PDE6C: variants seen among roughly 807,000 people sequenced by gnomAD.
The protein encoded by PDE6C is cone cGMP-specific 3',5'-cyclic phosphodiesterase subunit alpha'.
A neutral mutation model predicts 113.1 loss-of-function variants in PDE6C; 75 were observed. The ratio of observed to expected loss-of-function variants is 0.66; its 90% CI spans 0.55 to 0.80. The LOEUF (loss-of-function observed/expected upper bound fraction) is 0.80. Ranked by LOEUF, PDE6C falls within the 30% of genes least tolerant of loss-of-function variation. The pLI is 0.00. For synonymous variants in PDE6C, 375 were observed against 363.7 expected (o/e 1.03, Z -0.35); for missense variants, 912 against 1,038.6 (o/e 0.88, Z 1.67).
intron 11 of PDE6C, among the ~76,000 whole-genome samples, chr10:93,638,749 T>A (rs955289079): frequency 6.6e-6 from 1 of 152,184 alleles, no homozygotes; most frequent in African/African-American, 2.4e-5. Context: ...TATTTGTCCA[T>A]CTTCACGTAC....
intron 4 of PDE6C, among the ~76,000 whole-genome samples, chr10:93,622,881 G>A (rs779236758): frequency 3.3e-5 from 5 of 151,902 alleles, no homozygotes; most frequent in Non-Finnish European, 7.4e-5. Flanking sequence ...CCTGTTGAAG[G>A]GTATCTTGGT....
chr10:93,641,089 T>C, intron 14 of PDE6C, 60 bp downstream of exon 14: 2 of 1,010,820 alleles, frequency 2.0e-6, no homozygotes, highest in Non-Finnish European at 3.2e-6. Context: ...GTACTTAGGG[T>C]GAGAAAAACG....
At chr10:93,665,294 A>ATGT in intron 21 of PDE6C, 66 bp from the exon 22 acceptor site, 1 of 1,138,548 alleles carries the variant, frequency 8.8e-7, no homozygotes, top group Non-Finnish European at 1.3e-6. Flanking sequence ...TATCATGGGA[A>ATGT]TGTTAGAATA....
chr10:93,628,761 C>A (rs1023303437), intron 7 of PDE6C, among the ~76,000 whole-genome samples: 1 of 152,130 alleles, frequency 6.6e-6, no homozygotes, highest in African/African-American at 2.4e-5. Context: ...TCTGTGAATT[C>A]CACTAAGTAA....
chr10:93,656,115 T>G (rs1455317588), intron 16 of PDE6C, among the ~76,000 whole-genome samples: 2 of 152,182 alleles, frequency 1.3e-5, no homozygotes, highest in Non-Finnish European at 2.9e-5. Context: ...TAATATTAAG[T>G]AGGTTGCTCT....
At chr10:93,626,568 A>G (rs748068762) in intron 5 of PDE6C, 72 bp from the exon 6 acceptor site, 5 of 853,746 alleles carry the variant, frequency 5.9e-6, no homozygotes, top group Non-Finnish European at 9.8e-6. Context: ...GTTTTAAAGT[A>G]CAAGTTCCCC....
chr10:93,615,555 T>C (rs960348247), intron 1 of PDE6C, among the ~76,000 whole-genome samples: 10 of 152,128 alleles, frequency 6.6e-5, no homozygotes, highest in Non-Finnish European at 1.5e-5. Context: ...CTAATTTTTG[T>C]ATTTTTAGTA....
chr10:93,616,922 G>C (rs750568149), intron 1 of PDE6C, among the ~76,000 whole-genome samples: 1 of 152,190 alleles, frequency 6.6e-6, no homozygotes, highest in Non-Finnish European at 1.5e-5. Flanking sequence ...AAAGTGCTGA[G>C]AGGAAGACTT....
In PDE6C at chr10:93,612,714, G is replaced by C. The variant is rs550726667; in HGVS notation, c.-12G>C. 58 of 1,613,420 alleles carry C rather than the reference G, an allele frequency of 3.6e-5. 1 individual carries two copies. The South Asian group carries it at 6.2e-4, about 17-fold the overall frequency. On this transcript the variant is annotated 5_prime_UTR_variant, in exon 1 of 22. Transcript: ENST00000371447. ...GTCCTTTCTGAACAAACGCAGCAAA[G>C]CAAGCCACACCATGGGTGAGATCAA...
intron 1 of PDE6C, among the ~76,000 whole-genome samples, chr10:93,614,071 C>A (rs1171385788): frequency 1.3e-5 from 2 of 152,222 alleles, no homozygotes; most frequent in Non-Finnish European, 2.9e-5. Flanking sequence ...ATCAAGGGTA[C>A]CAGCTTGGAG....
chr10:93,655,755 T>C lies in PDE6C; in HGVS notation c.1936-5T>C. 1 of 1,488,704 alleles carries C rather than the reference T, an allele frequency of 6.7e-7. No homozygotes were observed. Among genetic ancestry groups the C allele is most frequent in the South Asian group, 1.1e-5 (1 of 88,618 alleles). 92.2% of individuals were successfully genotyped at this position (1,488,704 alleles called of 1,614,324 possible). On this transcript the variant is annotated splice_region_variant and splice_polypyrimidine_tract_variant and intron_variant, in intron 15 of 21. Coordinates refer to ENST00000371447, the MANE Select transcript of PDE6C (RefSeq NM_006204.4). ...AGCATTTTATTGTGAATTTTCATCT[T>C]ACAGAGTTTAAACATCTTCCAGAAC... is the stretch of plus-strand genomic sequence containing the variant.
At chr10:93,624,632 T>A (rs1379927190) in intron 4 of PDE6C, among the ~76,000 whole-genome samples, 3 of 152,184 alleles carry the variant, frequency 2.0e-5, no homozygotes. Flanking sequence ...CTAGGAGAGC[T>A]GGGTTCTGAT....
At chr10:93,646,965 G>A (rs1030584327) in intron 15 of PDE6C, among the ~76,000 whole-genome samples, 11 of 152,166 alleles carry the variant, frequency 7.2e-5, no homozygotes, top group African/African-American at 2.7e-4. Flanking sequence ...CAGTGGCAGC[G>A]GAAAGGGGCA....
intron 7 of PDE6C, among the ~76,000 whole-genome samples, chr10:93,627,078 C>A (rs909925789): frequency 1.3e-5 from 2 of 151,898 alleles, no homozygotes; most frequent in African/African-American, 4.8e-5. Context: ...GCCTGACCAA[C>A]ATGGTGAAAC....
chr10:93,625,705 T>G, intron 5 of PDE6C, 56 bp downstream of exon 5: 1 of 1,220,118 alleles, frequency 8.2e-7, no homozygotes, highest in Admixed American at 1.7e-5. Flanking sequence ...GTGCTAAAAT[T>G]AAGAGGCCAC....
intron 15 of PDE6C, among the ~76,000 whole-genome samples, chr10:93,654,924 T>C (rs909779463): frequency 6.6e-6 from 1 of 151,656 alleles, no homozygotes; most frequent in African/African-American, 2.4e-5. Flanking sequence ...CCTACCACCT[T>C]GGCCTCCTGA....
chr10:93,622,184 T>C (rs1272602113), intron 4 of PDE6C, 112 bp downstream of exon 4: 1 of 1,124,596 alleles, frequency 8.9e-7, no homozygotes, highest in Non-Finnish European at 1.3e-6. Context: ...TAGTCATGAT[T>C]GATGACAAGA....
chr10:93,629,672 C>G (rs2058490645), intron 8 of PDE6C, among the ~76,000 whole-genome samples: 1 of 152,146 alleles, frequency 6.6e-6, no homozygotes, highest in Non-Finnish European at 1.5e-5. Context: ...CACCTCAGAT[C>G]ATCAGGCATT....
chr10:93,654,189 G>C (rs2058622047), intron 15 of PDE6C, among the ~76,000 whole-genome samples: 1 of 152,256 alleles, frequency 6.6e-6, no homozygotes, highest in African/African-American at 2.4e-5. Context: ...GTGCTAGGCA[G>C]TTAGGCAGGG....
Sources: gnomAD v4.1 joint callset for allele counts (sites outside exome capture counted in the v4.1 genomes callset) on GRCh38, gnomAD v4.1.1 for gene constraint, MANE v1.5 for transcripts, NCBI Gene and HGNC (gene_info 2026-07-23, HGNC 2026-07-21) for gene names.